Variants in NCBP2 observed in about 807,000 individuals in gnomAD.
NCBP2 encodes the protein nuclear cap binding protein subunit 2.
Under a neutral mutation model 21.5 loss-of-function variants are expected in NCBP2, and 8 were observed. The ratio of observed to expected loss-of-function variants is 0.37; its 90% CI spans 0.22 to 0.67. The LOEUF (loss-of-function observed/expected upper bound fraction) is 0.67. Ranked by LOEUF, NCBP2 falls within the 30% of genes least tolerant of loss-of-function variation. The probability of loss-of-function intolerance (pLI) is 0.56; values close to 1 mark genes in which losing one functional copy is unlikely to be tolerated. For missense variants in NCBP2, 127 were observed against 206.9 expected (o/e 0.61, Z 2.37); for synonymous variants, 92 against 75.8 (o/e 1.21, Z -1.11).
chr3:196,937,836 G>A (rs1274050823), intron 2 of NCBP2, 188 bp from the exon 3 acceptor site: 7 of 622,780 alleles, frequency 1.1e-5, no homozygotes, highest in Non-Finnish European at 2.0e-5. Context: ...AATATGACAC[G>A]TATCCATGGC....
Position 196,936,938 on chromosome 3 carries a change from A to G in NCBP2, c.*73T>C, listed in dbSNP as rs1716291869. Reference sequence around the variant, plus strand: ...TCTTGGTAAAAATGGGCTCGTGTGCAGACTTTAGGTGATGTTCTTCAGCAA... The same window carrying G: ...TCTTGGTAAAAATGGGCTCGTGTGCGGACTTTAGGTGATGTTCTTCAGCAA... On this transcript the variant is annotated 3_prime_UTR_variant, in exon 4 of 4. Coordinates refer to ENST00000321256, the MANE Select transcript of NCBP2 (RefSeq NM_007362.5). 4 of 1,399,048 alleles carry G rather than the reference A, an allele frequency of 2.9e-6. No individual in the cohort carries two copies. The highest frequency in any genetic ancestry group is 4.1e-6 in the Non-Finnish European group (4 of 984,122). The allele number at this position is 1,399,048 out of a possible 1,614,324, so 86.7% of individuals were successfully genotyped here.
intron 3 of NCBP2, 91 bp downstream of exon 3, chr3:196,937,417 ATT>A (rs1716314586): frequency 6.4e-7 from 1 of 1,553,512 alleles, no homozygotes; most frequent in African/African-American, 1.4e-5. Flanking sequence ...ACACAAAGTT[ATT>A]TACAAAAGAG....
At chr3:196,939,006 A>AT (rs57844817) in intron 2 of NCBP2, 544 of 317,820 alleles carry the variant, frequency 1.7e-3, no homozygotes, top group South Asian at 3.7e-3. Flanking sequence ...ATTCTTTGGA[A>AT]TTTTTTTTTT....
intron 3 of NCBP2, 77 bp from the exon 4 acceptor site, chr3:196,937,159 C>G (rs942454727): frequency 1.5e-6 from 2 of 1,377,070 alleles, no homozygotes; most frequent in Non-Finnish European, 2.1e-6. Flanking sequence ...ACATGTTAGA[C>G]AAACAGTGAA....
intron 1 of NCBP2, 92 bp from the exon 2 acceptor site, chr3:196,939,524 G>A (rs1716428766): frequency 9.7e-7 from 1 of 1,028,440 alleles, no homozygotes; most frequent in Non-Finnish European, 1.4e-6. Context: ...ATTAATTCTG[G>A]TTTGGAAATC....
chr3:196,942,319 G>C (rs1716632122), intron 1 of NCBP2, 107 bp downstream of exon 1: 1 of 1,535,752 alleles, frequency 6.5e-7, no homozygotes, highest in African/African-American at 1.4e-5. Flanking sequence ...CCCACTTGGC[G>C]TTTGCGGATT....
intron 2 of NCBP2, 56 bp from the exon 3 acceptor site, chr3:196,937,704 A>G: frequency 6.3e-7 from 1 of 1,597,230 alleles, no homozygotes; most frequent in East Asian, 2.2e-5. Flanking sequence ...ATAGGGGAAC[A>G]ACATGTAAAT....
chr3:196,941,965 A>C lies in NCBP2; in HGVS notation c.78+461T>G. ...ACAGCTTCCGTAACACCATCCTCCC[A>C]GAGAAGGGGCCCGAATCGCCGAAGG... On this transcript the variant is annotated intron_variant, in intron 1 of 3. Transcript: ENST00000321256. 2 of 1,536,328 alleles carry C rather than the reference A, an allele frequency of 1.3e-6. 1 individual carries two copies. The highest frequency in any genetic ancestry group is 3.3e-4 in the Middle Eastern group (2 of 5,990).
Position 196,937,635 on chromosome 3 carries a change from C to T in NCBP2, c.274G>A (p.Ala92Thr), listed in dbSNP as rs538938257. The change falls in exon 3 of 4, where the codon GCA becomes ACA. Residue 92 changes from alanine to threonine, a missense_variant. Physicochemically the swap from Ala to Thr is moderately conservative, Grantham distance 58. Transcript: ENST00000321256. ...TACCGCATGGCGTTTTCCGCATCTG[C>T]GCGTGAGTAATATCTTAAGTATTAA... ...GFCFVEYYSR[A>T]DAENAMRYIN... 8 of 1,614,112 alleles carry T rather than the reference C, an allele frequency of 5.0e-6. No individual in the cohort carries two copies. The highest frequency in any genetic ancestry group is 3.3e-5 in the Admixed American group (2 of 60,016).
intron 1 of NCBP2, 88 bp downstream of exon 1, chr3:196,942,320 TTTGCGGATTTCAGCTGAA>T: frequency 6.5e-7 from 1 of 1,535,188 alleles, no homozygotes; most frequent in South Asian, 1.2e-5. Context: ...CCACTTGGCG[TTTGCGGATTTCAGCTGAA>T]TGGGAGGCGA....
At chr3:196,939,717 C>G (rs1159929001) in intron 1 of NCBP2, among the ~76,000 whole-genome samples, 1 of 152,236 alleles carries the variant, frequency 6.6e-6, no homozygotes, top group African/African-American at 2.4e-5. Context: ...TCCCTGCACA[C>G]ACCATATCCT....
chr3:196,942,236 G>A (rs1716625689), intron 1 of NCBP2, 190 bp downstream of exon 1: 7 of 1,466,714 alleles, frequency 4.8e-6, no homozygotes, highest in African/African-American at 1.4e-5. Context: ...CCGTCTTCCA[G>A]AGCAAGTGGC....
chr3:196,941,803 C>T, intron 1 of NCBP2: 5 of 1,138,684 alleles, frequency 4.4e-6, no homozygotes, highest in Non-Finnish European at 6.2e-6. Context: ...AAATTTCCCT[C>T]TTCTGAAATC....
intron 3 of NCBP2, chr3:196,937,294 T>G: frequency 1.3e-6 from 1 of 790,952 alleles, no homozygotes; most frequent in Non-Finnish European, 2.0e-6. Context: ...TAGCAGAAGT[T>G]CAAGAATGGT....
intron 1 of NCBP2, chr3:196,942,054 C>G: frequency 1.3e-6 from 2 of 1,533,238 alleles, no homozygotes; most frequent in Non-Finnish European, 1.7e-6. Flanking sequence ...GAAGGCGCCT[C>G]TGCCTACTCT....
chr3:196,940,738 A>T (rs1485627735), intron 1 of NCBP2, among the ~76,000 whole-genome samples: 1 of 152,244 alleles, frequency 6.6e-6, no homozygotes, highest in African/African-American at 2.4e-5. Context: ...ATCTCACAGG[A>T]TGCTTTAAGT....
chr3:196,937,780 G>C, intron 2 of NCBP2, 132 bp from the exon 3 acceptor site: 1 of 1,101,012 alleles, frequency 9.1e-7, no homozygotes, highest in South Asian at 1.4e-5. Flanking sequence ...CAGTAATTCA[G>C]CTTGCCCAGG....
intron 1 of NCBP2, 39 bp from the exon 2 acceptor site, chr3:196,939,471 G>C (rs1716425247): frequency 7.0e-7 from 1 of 1,419,504 alleles, no homozygotes; most frequent in Admixed American, 2.0e-5. Flanking sequence ...AGCAACTTCA[G>C]AGCCTTGCTT....
intron 1 of NCBP2, chr3:196,941,948 C>T: frequency 6.5e-7 from 1 of 1,536,330 alleles, no homozygotes; most frequent in South Asian, 1.2e-5. Flanking sequence ...GTACAGCTTC[C>T]GTAACACCAT....
Sources: allele counts gnomAD v4.1 joint callset (sites outside exome capture counted in the v4.1 genomes callset), GRCh38; gene constraint gnomAD v4.1.1; transcripts MANE v1.5; gene names NCBI Gene and HGNC (gene_info 2026-07-23, HGNC 2026-07-21).